CNTNAP2: variants seen among roughly 807,000 people sequenced by gnomAD.
CNTNAP2 encodes the protein contactin-associated protein-like 2.
CNTNAP2 carries 98 observed loss-of-function variants against 155.2 expected under a neutral mutation model. The observed-to-expected ratio is 0.63, with a 90% CI of 0.54 to 0.75. The LOEUF is 0.75. Ranked by LOEUF, CNTNAP2 falls within the 30% of genes least tolerant of loss-of-function variation. The pLI, the probability that CNTNAP2 is intolerant of heterozygous loss-of-function variation, is 0.00. For synonymous variants in CNTNAP2, 651 were observed against 631.2 expected, an observed-to-expected ratio of 1.03 and a Z score of -0.47; for missense variants, 1,727 against 1,688.1, an observed-to-expected ratio of 1.02 and a Z score of -0.40.
intron 2 of CNTNAP2, among the ~76,000 whole-genome samples, chr7:146,778,533 C>T (rs944838769): frequency 4.6e-5 from 7 of 152,192 alleles, no homozygotes; most frequent in African/African-American, 1.7e-4. Flanking sequence ...TTTATCCCCA[C>T]ATTTTTAATC....
chr7:146,420,575 A>G (rs924456080), intron 1 of CNTNAP2, among the ~76,000 whole-genome samples: 1 of 152,108 alleles, frequency 6.6e-6, no homozygotes, highest in Non-Finnish European at 1.5e-5. Flanking sequence ...ACCTGCAAGA[A>G]GACAGTTAGA....
At chr7:148,093,104 C>A (rs1356441036) in intron 15 of CNTNAP2, among the ~76,000 whole-genome samples, 3 of 151,150 alleles carry the variant, frequency 2.0e-5, no homozygotes, top group Non-Finnish European at 4.4e-5. Context: ...TGCTTTAAAC[C>A]AAAGATTGAG....
At chr7:146,937,405 T>C (rs1796941469) in intron 3 of CNTNAP2, among the ~76,000 whole-genome samples, 1 of 151,342 alleles carries the variant, frequency 6.6e-6, no homozygotes, top group African/African-American at 2.4e-5. Flanking sequence ...GAAAACCGAC[T>C]GTTAATACTT....
At chr7:146,565,502 A>G (rs1563137280) in intron 1 of CNTNAP2, among the ~76,000 whole-genome samples, 1 of 152,116 alleles carries the variant, frequency 6.6e-6, no homozygotes, top group Non-Finnish European at 1.5e-5. Flanking sequence ...CAGAGATAAT[A>G]AATATATGGG....
intron 13 of CNTNAP2, among the ~76,000 whole-genome samples, chr7:147,817,058 G>A (rs866635960): frequency 1.3e-5 from 2 of 152,152 alleles, no homozygotes; most frequent in Non-Finnish European, 2.9e-5. Context: ...AGGGAAGGAA[G>A]CAGTTAAATG....
chr7:146,529,527 G>A (rs1026269087), intron 1 of CNTNAP2, among the ~76,000 whole-genome samples: 4 of 152,052 alleles, frequency 2.6e-5, no homozygotes, highest in Admixed American at 6.6e-5. Context: ...ACAAGCGATC[G>A]GGAGAAAGAT....
chr7:147,377,490 A>AT (rs1796455768), intron 9 of CNTNAP2, among the ~76,000 whole-genome samples: 1 of 151,732 alleles, frequency 6.6e-6, no homozygotes. Flanking sequence ...TTCTGTTATT[A>AT]TGTCATCTTG....
chr7:147,516,848 CTTTTT>C (rs1221666617), intron 11 of CNTNAP2, among the ~76,000 whole-genome samples: 2 of 112,614 alleles, frequency 1.8e-5, no homozygotes, highest in African/African-American at 3.4e-5. Context: ...TCTTTCTTTT[CTTTTT>C]TTTTTTTTTT....
intron 8 of CNTNAP2, among the ~76,000 whole-genome samples, chr7:147,230,944 T>G (rs1803665776): frequency 6.6e-6 from 1 of 152,172 alleles, no homozygotes; most frequent in Non-Finnish European, 1.5e-5. Context: ...AGGGAAGAGC[T>G]TTAATTGGCT....
intron 13 of CNTNAP2, among the ~76,000 whole-genome samples, chr7:147,766,988 A>T (rs933840602): frequency 2.0e-5 from 3 of 152,116 alleles, no homozygotes; most frequent in African/African-American, 7.2e-5. Context: ...CTGTTGTTAA[A>T]TCATCAATAT....
At chr7:146,286,325 TG>T (rs1469905673) in intron 1 of CNTNAP2, among the ~76,000 whole-genome samples, 12 of 151,898 alleles carry the variant, frequency 7.9e-5, no homozygotes, top group Non-Finnish European at 1.8e-4. Context: ...TTTCATTGAT[TG>T]TACATAAAAC....
chr7:147,632,829 T>C (rs998324978), intron 12 of CNTNAP2, among the ~76,000 whole-genome samples: 14 of 152,290 alleles, frequency 9.2e-5, no homozygotes, highest in African/African-American at 3.4e-4. Flanking sequence ...GATAGTGATA[T>C]GGACAATGAA....
At chr7:147,019,938 A>G (rs1798790153) in intron 3 of CNTNAP2, among the ~76,000 whole-genome samples, 2 of 152,170 alleles carry the variant, frequency 1.3e-5, no homozygotes, top group African/African-American at 4.8e-5. Flanking sequence ...TATAGCAGGT[A>G]GCGTGAGAAA....
At chr7:146,426,429 A>G (rs1796092100) in intron 1 of CNTNAP2, among the ~76,000 whole-genome samples, 1 of 150,310 alleles carries the variant, frequency 6.7e-6, no homozygotes, top group South Asian at 2.1e-4. Flanking sequence ...ACATATACAC[A>G]CACATTTATA....
intron 1 of CNTNAP2, among the ~76,000 whole-genome samples, chr7:146,605,982 A>G (rs1251502960): frequency 6.6e-6 from 1 of 152,198 alleles, no homozygotes; most frequent in Non-Finnish European, 1.5e-5. Context: ...TAAGGCAGGA[A>G]TATCAGCTGT....
intron 1 of CNTNAP2, among the ~76,000 whole-genome samples, chr7:146,320,097 C>G (rs1364987795): frequency 1.3e-5 from 2 of 150,762 alleles, no homozygotes; most frequent in Non-Finnish European, 3.0e-5. Context: ...ATTACTGCAG[C>G]AAAAAAAGAC....
intron 1 of CNTNAP2, among the ~76,000 whole-genome samples, chr7:146,516,000 C>T (rs2129136425): frequency 6.6e-6 from 1 of 152,162 alleles, no homozygotes; most frequent in African/African-American, 2.4e-5. Context: ...CAGCTTGAAT[C>T]ACCTTCTACG....
intron 1 of CNTNAP2, among the ~76,000 whole-genome samples, chr7:146,697,278 C>T (rs1170665872): frequency 6.6e-6 from 1 of 151,472 alleles, no homozygotes. Context: ...TGCTCTGTTG[C>T]CCAGGCTGGA....
At chr7:147,405,475 T>C (rs1394946982) in intron 10 of CNTNAP2, among the ~76,000 whole-genome samples, 2 of 152,190 alleles carry the variant, frequency 1.3e-5, no homozygotes, top group Non-Finnish European at 2.9e-5. Flanking sequence ...TTGGGACTGA[T>C]ACAACTTAAT....
Sources: gnomAD v4.1 joint callset for allele counts (sites outside exome capture counted in the v4.1 genomes callset) on GRCh38, gnomAD v4.1.1 for gene constraint, MANE v1.5 for transcripts, NCBI Gene and HGNC (gene_info 2026-07-23, HGNC 2026-07-21) for gene names.